The following CDH12 variants were observed in gnomAD, a reference collection of about 807,000 sequenced individuals.
CDH12 encodes the protein cadherin 12.
CDH12 carries 41 observed loss-of-function variants against 74.1 expected under a neutral mutation model. The observed-to-expected ratio is 0.55, with a 90% CI of 0.43 to 0.72. CDH12 has a LOEUF of 0.72. Among genes scored for constraint, CDH12 ranks in the 30% least tolerant of loss-of-function variants. The pLI, the probability that CDH12 is intolerant of heterozygous loss-of-function variation, is 0.00. For synonymous variants in CDH12, 399 were observed against 355.0 expected, an observed-to-expected ratio of 1.12 and a Z score of -1.39; for missense variants, 945 against 977.2, an observed-to-expected ratio of 0.97 and a Z score of 0.44.
chr5:22,612,771 T>C (rs1737476694), intron 1 of CDH12, among the ~76,000 whole-genome samples: 1 of 152,108 alleles, frequency 6.6e-6, no homozygotes, highest in South Asian at 2.1e-4. Flanking sequence ...TGCTTATGTG[T>C]GAGATTTTTC....
intron 4 of CDH12, among the ~76,000 whole-genome samples, chr5:22,083,277 C>T (rs1742858968): frequency 6.6e-6 from 1 of 152,136 alleles, no homozygotes; most frequent in Non-Finnish European, 1.5e-5. Flanking sequence ...CATGTTCAAC[C>T]CTTGCCATTC....
At chr5:22,576,597 T>A (rs1467373889) in intron 1 of CDH12, among the ~76,000 whole-genome samples, 6 of 152,138 alleles carry the variant, frequency 3.9e-5, no homozygotes, top group Admixed American at 3.9e-4. Context: ...CTGAAAGAAC[T>A]AGAATCGGAG....
At chr5:22,494,101 G>T (rs1488244469) in intron 2 of CDH12, among the ~76,000 whole-genome samples, 1 of 152,178 alleles carries the variant, frequency 6.6e-6, no homozygotes, top group Non-Finnish European at 1.5e-5. Flanking sequence ...GTCGAGCATG[G>T]TGTACAGTAA....
At chr5:22,267,233 T>C (rs1214588615) in intron 3 of CDH12, among the ~76,000 whole-genome samples, 3 of 152,214 alleles carry the variant, frequency 2.0e-5, no homozygotes, top group African/African-American at 4.8e-5. Flanking sequence ...TCCATTGTTC[T>C]TGGAGAATCT....
intron 4 of CDH12, among the ~76,000 whole-genome samples, chr5:22,160,612 A>G (rs1748285584): frequency 1.3e-5 from 2 of 152,226 alleles, no homozygotes; most frequent in Admixed American, 1.3e-4. Flanking sequence ...TTTATATTTA[A>G]CAGTTCTAGA....
intron 1 of CDH12, among the ~76,000 whole-genome samples, chr5:22,783,503 T>G (rs1561027883): frequency 6.6e-6 from 1 of 152,156 alleles, no homozygotes; most frequent in Non-Finnish European, 1.5e-5. Flanking sequence ...TTAAAAATAA[T>G]ATTATGAATA....
intron 6 of CDH12, among the ~76,000 whole-genome samples, chr5:21,937,698 C>T (rs1420137594): frequency 6.6e-6 from 1 of 152,172 alleles, no homozygotes; most frequent in Non-Finnish European, 1.5e-5. Flanking sequence ...ATAAACTTGA[C>T]CAAGTGGGTC....
At chr5:22,443,938 C>T (rs899544635) in intron 2 of CDH12, among the ~76,000 whole-genome samples, 8 of 151,722 alleles carry the variant, frequency 5.3e-5, no homozygotes, top group Admixed American at 2.0e-4. Context: ...TTTTAAAATG[C>T]AAATCAGGAT....
At chr5:21,978,481 T>C (rs1196126425) in intron 5 of CDH12, among the ~76,000 whole-genome samples, 1 of 152,170 alleles carries the variant, frequency 6.6e-6, no homozygotes, top group Non-Finnish European at 1.5e-5. Flanking sequence ...TATGTAAATA[T>C]ATAACTGAAA....
chr5:21,809,136 C>T (rs1244997432), intron 9 of CDH12, among the ~76,000 whole-genome samples: 1 of 151,970 alleles, frequency 6.6e-6, no homozygotes, highest in African/African-American at 2.4e-5. Context: ...TATTACTATA[C>T]TTTAGTGTTT....
In CDH12 at chr5:22,040,045, G is replaced by A. The variant is rs148533887; in HGVS notation, c.231+38401C>T. On this transcript the variant is annotated intron_variant, in intron 5 of 14. Transcript: ENST00000382254. Reference sequence around the variant, plus strand: ...AATAATAATCTTAAGGAATCTCAGTGAGATACAAGAGAATACAGAAGGATA... The same window carrying A: ...AATAATAATCTTAAGGAATCTCAGTAAGATACAAGAGAATACAGAAGGATA... Among the ~76,000 whole-genome samples, 908 of 151,874 alleles carry A rather than the reference G, an allele frequency of 6.0e-3. 5 individuals carry two copies. Among genetic ancestry groups the A allele is most frequent in the African/African-American group, 0.021 (871 of 41,446 alleles).
At chr5:22,539,519 A>C (rs1738004022) in intron 1 of CDH12, among the ~76,000 whole-genome samples, 1 of 152,226 alleles carries the variant, frequency 6.6e-6, no homozygotes, top group East Asian at 1.9e-4. Flanking sequence ...CTTCCTGTGT[A>C]AGGGACACAA....
chr5:22,208,659 C>T lies in CDH12; in HGVS notation c.-187+3839G>A, dbSNP rs1402285998. On this transcript the variant is annotated intron_variant, in intron 4 of 14. Coordinates refer to ENST00000382254, the MANE Select transcript of CDH12 (RefSeq NM_004061.5). Reference sequence around the variant, plus strand: ...TTGGCATGGTTCTCCTGGAAGGCCACATGGTGGTCATTGGCCAGTCTAGAG... The same window carrying T: ...TTGGCATGGTTCTCCTGGAAGGCCATATGGTGGTCATTGGCCAGTCTAGAG... Among the ~76,000 whole-genome samples the T allele has an allele frequency of 2.0e-5, 3 of 152,190 alleles. No individual in the cohort carries two copies. In the East Asian group the frequency reaches 5.8e-4, roughly 29 times the overall value.
intron 1 of CDH12, among the ~76,000 whole-genome samples, chr5:22,611,601 A>G (rs900534158): frequency 2.6e-5 from 4 of 152,156 alleles, no homozygotes; most frequent in African/African-American, 9.7e-5. Context: ...GATAGAGAGC[A>G]GTAACCAGAA....
chr5:22,155,726 A>T (rs574994730), intron 4 of CDH12, among the ~76,000 whole-genome samples: 1 of 152,252 alleles, frequency 6.6e-6, no homozygotes, highest in Admixed American at 6.5e-5. Flanking sequence ...GTATTAGCAT[A>T]AGTCATATGT....
intron 1 of CDH12, among the ~76,000 whole-genome samples, chr5:22,602,143 G>T (rs536802328): frequency 2.6e-5 from 4 of 152,140 alleles, no homozygotes; most frequent in Admixed American, 6.5e-5. Context: ...CTGTCAATTA[G>T]CTGTCAGAAA....
chr5:22,373,341 G>A (rs949498161), intron 3 of CDH12, among the ~76,000 whole-genome samples: 2 of 152,120 alleles, frequency 1.3e-5, no homozygotes, highest in South Asian at 2.1e-4. Context: ...TGAACCACTT[G>A]GGTTCCAGTG....
chr5:22,506,802 A>T (rs776518458), intron 1 of CDH12, among the ~76,000 whole-genome samples: 9 of 152,140 alleles, frequency 5.9e-5, no homozygotes, highest in Non-Finnish European at 1.2e-4. Flanking sequence ...ATCAATCTGT[A>T]TCTATAATTA....
chr5:21,890,227 G>A (rs560740761), intron 6 of CDH12, among the ~76,000 whole-genome samples: 4 of 152,034 alleles, frequency 2.6e-5, no homozygotes, highest in East Asian at 1.9e-4. Flanking sequence ...TCCCTCATTC[G>A]TTTCCCTATC....
Sources: gnomAD v4.1 joint callset for allele counts (sites outside exome capture counted in the v4.1 genomes callset) on GRCh38, gnomAD v4.1.1 for gene constraint, MANE v1.5 for transcripts, NCBI Gene and HGNC (gene_info 2026-07-23, HGNC 2026-07-21) for gene names.